THSD7B: variants seen among roughly 807,000 people sequenced by gnomAD.
The protein encoded by THSD7B is thrombospondin type-1 domain-containing protein 7B.
THSD7B carries 138 observed loss-of-function variants against 213.6 expected under a neutral mutation model. That is an observed-to-expected ratio of 0.65 (90% CI 0.56 to 0.74). THSD7B has a LOEUF of 0.74. THSD7B is among the 30% of genes least tolerant of loss of function. The pLI, the probability that THSD7B is intolerant of heterozygous loss-of-function variation, is 0.00. For missense variants in THSD7B, 1,931 were observed against 1,991.5 expected (o/e 0.97, Z 0.58); for synonymous variants, 742 against 687.0 (o/e 1.08, Z -1.25).
At chr2:136,823,456 C>T (rs1414612339) in intron 1 of THSD7B, among the ~76,000 whole-genome samples, 2 of 152,144 alleles carry the variant, frequency 1.3e-5, no homozygotes, top group African/African-American at 2.4e-5. Context: ...TTAACATGAT[C>T]GGTTAACCTT....
At chr2:136,793,005 G>A (rs946797533) in intron 1 of THSD7B, among the ~76,000 whole-genome samples, 2 of 151,906 alleles carry the variant, frequency 1.3e-5, no homozygotes, top group Non-Finnish European at 2.9e-5. Context: ...GATTTGAATT[G>A]TTTCTGTTTT....
At chr2:137,022,768 A>G (rs1365886019) in intron 2 of THSD7B, among the ~76,000 whole-genome samples, 1 of 152,064 alleles carries the variant, frequency 6.6e-6, no homozygotes. Context: ...GCCTTGTTTT[A>G]TTTAGTGCAT....
rs79219735 is a variant in THSD7B at position 137,399,486 on chromosome 2, C to G, written c.2501-6127C>G. On this transcript the variant is annotated intron_variant, in intron 12 of 27. Coordinates refer to ENST00000409968, the MANE Select transcript of THSD7B (RefSeq NM_001316349.2). ...GGGATTACAGGCATGAGGCATAACACTCAGCCTCTTTCAGCAGTTTTTAAA... is the reference window on the plus strand; with the variant it reads ...GGGATTACAGGCATGAGGCATAACAGTCAGCCTCTTTCAGCAGTTTTTAAA... Among the ~76,000 whole-genome samples, 104 of 152,248 alleles carry G rather than the reference C, an allele frequency of 6.8e-4. No individual in the cohort carries two copies. In the East Asian group the frequency reaches 0.02, roughly 29 times the overall value.
intron 14 of THSD7B, among the ~76,000 whole-genome samples, chr2:137,413,338 A>ATG (rs1442522379): frequency 6.6e-6 from 1 of 152,202 alleles, no homozygotes; most frequent in Non-Finnish European, 1.5e-5. Context: ...ACCATCTGCT[A>ATG]TGTACCTGGA....
intron 3 of THSD7B, among the ~76,000 whole-genome samples, chr2:137,085,085 C>T (rs920416471): frequency 3.3e-5 from 5 of 152,172 alleles, no homozygotes; most frequent in Non-Finnish European, 7.3e-5. Context: ...ATAAAAGCAC[C>T]ATCCAGGTTT....
chr2:136,876,564 A>C (rs959432892), intron 1 of THSD7B, among the ~76,000 whole-genome samples: 1 of 152,248 alleles, frequency 6.6e-6, no homozygotes, highest in Non-Finnish European at 1.5e-5. Context: ...TATTGAGACA[A>C]AAGACTTAGG....
chr2:137,591,436 A>C (rs1021517625), intron 17 of THSD7B, among the ~76,000 whole-genome samples: 1 of 151,930 alleles, frequency 6.6e-6, no homozygotes, highest in African/African-American at 2.4e-5. Context: ...TTATTTCCTG[A>C]ATATTTTACA....
chr2:137,097,736 C>G (rs1013540213), intron 4 of THSD7B, among the ~76,000 whole-genome samples: 1 of 150,160 alleles, frequency 6.7e-6, no homozygotes, highest in African/African-American at 2.4e-5. Context: ...TCCTGGCCCT[C>G]TAGTTCTACT....
intron 17 of THSD7B, among the ~76,000 whole-genome samples, chr2:137,609,200 AG>A (rs1682242580): frequency 6.6e-6 from 1 of 152,222 alleles, no homozygotes; most frequent in Non-Finnish European, 1.5e-5. Flanking sequence ...GTATCTCTAA[AG>A]CCCATGAGCC....
chr2:136,924,663 C>T (rs1684492508), intron 2 of THSD7B, among the ~76,000 whole-genome samples: 1 of 151,930 alleles, frequency 6.6e-6, no homozygotes, highest in African/African-American at 2.4e-5. Flanking sequence ...TGTGCATGGT[C>T]TCATGAAATT....
At chr2:137,442,508 G>C (rs2105055460) in intron 14 of THSD7B, among the ~76,000 whole-genome samples, 1 of 151,976 alleles carries the variant, frequency 6.6e-6, no homozygotes, top group African/African-American at 2.4e-5. Context: ...ATCTTGGGTT[G>C]GCTGGAGACT....
chr2:137,501,488 A>T (rs1558818491), intron 15 of THSD7B, among the ~76,000 whole-genome samples: 2 of 152,138 alleles, frequency 1.3e-5, no homozygotes, highest in South Asian at 2.1e-4. Context: ...TAATCTCAAA[A>T]TTTTTGATTA....
chr2:136,944,384 A>AATGTCTAATAGAC (rs1281754483), intron 2 of THSD7B, among the ~76,000 whole-genome samples: 1 of 152,028 alleles, frequency 6.6e-6, no homozygotes, highest in African/African-American at 2.4e-5. Context: ...CAGTTCTGTA[A>AATGTCTAATAGAC]ATGTCTATTA....
At chr2:136,821,615 T>C (rs1310092828) in intron 1 of THSD7B, among the ~76,000 whole-genome samples, 2 of 152,198 alleles carry the variant, frequency 1.3e-5, no homozygotes, top group Non-Finnish European at 2.9e-5. Flanking sequence ...GGTCCCTTTC[T>C]TGGGTATCAC....
chr2:137,642,415 G>T, intron 20 of THSD7B, 73 bp from the exon 21 acceptor site: 2 of 1,562,808 alleles, frequency 1.3e-6, no homozygotes, highest in South Asian at 2.3e-5. Flanking sequence ...CATGTATAAG[G>T]CAACATTCTG....
chr2:137,334,181 TC>T (rs1433666492), intron 12 of THSD7B, among the ~76,000 whole-genome samples: 3 of 142,166 alleles, frequency 2.1e-5, no homozygotes, highest in Non-Finnish European at 4.7e-5. Context: ...TCTCTCTCTC[TC>T]TCTCTCTCTC....
intron 4 of THSD7B, among the ~76,000 whole-genome samples, chr2:137,109,400 G>A (rs1250011960): frequency 1.3e-5 from 2 of 152,094 alleles, no homozygotes; most frequent in African/African-American, 4.8e-5. Flanking sequence ...AAAGGGGGAT[G>A]GTTTCAGGAT....
At chr2:137,220,321 T>C (rs1479837819) in intron 7 of THSD7B, among the ~76,000 whole-genome samples, 4 of 151,858 alleles carry the variant, frequency 2.6e-5, no homozygotes, top group Non-Finnish European at 5.9e-5. Flanking sequence ...TATAAGGAAC[T>C]TACAAAACTC....
At chr2:136,922,677 A>G (rs759322639) in intron 2 of THSD7B, among the ~76,000 whole-genome samples, 5 of 152,200 alleles carry the variant, frequency 3.3e-5, no homozygotes, top group Non-Finnish European at 5.9e-5. Context: ...AAAGTAGATA[A>G]CCTAGACAGA....
Sources: gnomAD v4.1 joint callset for allele counts (sites outside exome capture counted in the v4.1 genomes callset) on GRCh38, gnomAD v4.1.1 for gene constraint, MANE v1.5 for transcripts, NCBI Gene and HGNC (gene_info 2026-07-23, HGNC 2026-07-21) for gene names.